The following TENM3 variants were observed in gnomAD, a reference collection of about 807,000 sequenced individuals.
TENM3 encodes the protein teneurin-3.
A neutral mutation model predicts 255.1 loss-of-function variants in TENM3; 63 were observed. The ratio of observed to expected loss-of-function variants is 0.25; its 90% confidence interval spans 0.20 to 0.30. The LOEUF (loss-of-function observed/expected upper bound fraction) is 0.30, where lower values mean the gene tolerates loss of function less well. Ranked by LOEUF, TENM3 falls within the 10% of genes least tolerant of loss-of-function variation. The pLI, the probability that TENM3 is intolerant of heterozygous loss-of-function variation, is 1.00. For synonymous variants in TENM3, 1,306 were observed against 1,322.3 expected (o/e 0.99, Z 0.27); for missense variants, 2,929 against 3,461.1 (o/e 0.85, Z 3.86).
the TENM3 span, among the ~76,000 whole-genome samples, chr4:181,454,785 G>T: frequency 1.4e-5 from 2 of 142,802 alleles, no homozygotes; most frequent in East Asian, 4.1e-4. Context: ...CTACTGTACA[G>T]GTTTGCAGCC....
the TENM3 span, among the ~76,000 whole-genome samples, chr4:182,058,638 C>G: frequency 2.0e-5 from 3 of 151,952 alleles, no homozygotes; most frequent in African/African-American, 7.3e-5. Context: ...CTTCTAACAC[C>G]TTTATATATC....
intron 3 of TENM3, chr4:182,350,033 G>A (rs374416321): frequency 1.3e-4 from 20 of 152,280 alleles, no homozygotes; most frequent in South Asian, 2.0e-4. Flanking sequence ...GTTTTTCCCA[G>A]AAAAAAAAAA....
chr4:181,921,734 C>G, the TENM3 span, among the ~76,000 whole-genome samples: 1 of 152,090 alleles, frequency 6.6e-6, no homozygotes, highest in Non-Finnish European at 1.5e-5. Flanking sequence ...ATTTCCTTCT[C>G]CTGACTAATT....
chr4:182,753,137 A>C (rs1330607549), intron 20 of TENM3, among the ~76,000 whole-genome samples: 2 of 151,994 alleles, frequency 1.3e-5, no homozygotes, highest in African/African-American at 4.8e-5. Context: ...TAGTAGAGAC[A>C]GGGTTTCACC....
rs374837010 is a variant in TENM3 at position 182,600,963 on chromosome 4, C to T, written c.551C>T (p.Pro184Leu). 8.7e-6 allele frequency: 14 copies of T among 1,609,454 alleles called. No homozygotes were observed. Among genetic ancestry groups the T allele is most frequent in the African/African-American group, 2.7e-5 (2 of 73,306 alleles). Residue 184 changes from proline to leucine, a missense_variant, in exon 4 of 28, where the codon CCC (proline) becomes CTC (leucine). This residue lies in a region of TENM3 where 283 missense variants were observed against 256.9 expected (regional missense o/e 1.10). Transcript: ENST00000511685. ...AATCAAGGCCAGTCTACCCTGCAGC[C>T]CTTGCCGCCTTCCCATAAGCAGCAC... ...ASNQGQSTLQPLPPSHKQHSA... is the reference protein window; with the variant it reads ...ASNQGQSTLQLLPPSHKQHSA...
intron 22 of TENM3, among the ~76,000 whole-genome samples, chr4:182,769,717 G>A (rs1230610900): frequency 1.3e-5 from 2 of 152,032 alleles, no homozygotes; most frequent in Admixed American, 1.3e-4. Flanking sequence ...TTGGGAGGCG[G>A]AGGTTGCAGT....
chr4:182,102,353 A>G, the TENM3 span, among the ~76,000 whole-genome samples: 1 of 152,202 alleles, frequency 6.6e-6, no homozygotes, highest in Non-Finnish European at 1.5e-5. Context: ...ATGTGTCCAC[A>G]TGAGATTAGA....
At chr4:182,297,272 G>A (rs1761554264) in intron 1 of TENM3, among the ~76,000 whole-genome samples, 1 of 152,128 alleles carries the variant, frequency 6.6e-6, no homozygotes, top group South Asian at 2.1e-4. Context: ...CACTATGCAG[G>A]TGACACTGTC....
At chr4:182,246,383 A>C (rs6552548) in intron 1 of TENM3, among the ~76,000 whole-genome samples, 61,779 of 146,932 alleles carry the variant, frequency 0.42, 15,423 homozygotes, top group African/African-American at 0.7. Context: ...ATTTTAGATA[A>C]GCAGTGGACA....
the TENM3 span, among the ~76,000 whole-genome samples, chr4:181,591,273 T>C: frequency 4.6e-5 from 7 of 152,260 alleles, no homozygotes; most frequent in African/African-American, 7.2e-5. Flanking sequence ...ACATGACTGA[T>C]GGGAATGTAA....
the TENM3 span, among the ~76,000 whole-genome samples, chr4:182,112,483 A>G: frequency 6.6e-6 from 1 of 152,362 alleles, no homozygotes; most frequent in Non-Finnish European, 1.5e-5. Flanking sequence ...ACACTAGTTT[A>G]TAAGATTTCA....
intron 6 of TENM3, among the ~76,000 whole-genome samples, chr4:182,660,881 AC>A: frequency 6.6e-6 from 1 of 152,214 alleles, no homozygotes; most frequent in Non-Finnish European, 1.5e-5. Context: ...GCGAGTTATT[AC>A]AGTGAATTAG....
At chr4:182,708,603 T>G (rs1303004297) in intron 12 of TENM3, among the ~76,000 whole-genome samples, 1 of 152,024 alleles carries the variant, frequency 6.6e-6, no homozygotes, top group Non-Finnish European at 1.5e-5. Context: ...ATCGAGACCA[T>G]CCTGGCTAAC....
the TENM3 span, among the ~76,000 whole-genome samples, chr4:181,557,132 A>T: frequency 6.6e-6 from 1 of 152,166 alleles, no homozygotes; most frequent in Non-Finnish European, 1.5e-5. Context: ...GGAAAGAAAA[A>T]GTGTCAGGTG....
At chr4:181,450,345 C>T in the TENM3 span, among the ~76,000 whole-genome samples, 5 of 152,092 alleles carry the variant, frequency 3.3e-5, no homozygotes, top group African/African-American at 1.2e-4. Flanking sequence ...GTAATAAGGT[C>T]AATATTACAT....
At chr4:181,764,462 G>A in the TENM3 span, among the ~76,000 whole-genome samples, 5 of 152,118 alleles carry the variant, frequency 3.3e-5, no homozygotes, top group Admixed American at 2.6e-4. Context: ...ACGAAAGACC[G>A]TTGATTTTAG....
Position 182,802,228 on chromosome 4 carries a change from T to C in TENM3, c.*1877T>C, listed in dbSNP as rs1767028500. ...GTAGAGCATACCGAAGTAATTAATC[T>C]TCTAATGAATGCTGATGATATTTTA... is the stretch of plus-strand genomic sequence containing the variant. On this transcript the variant is annotated 3_prime_UTR_variant, in exon 28 of 28. Transcript: ENST00000511685. 1 of 152,668 alleles carries C rather than the reference T, an allele frequency of 6.6e-6. No individual in the cohort carries two copies. Among genetic ancestry groups the C allele is most frequent in the Admixed American group, 6.5e-5 (1 of 15,284 alleles). 9.5% of individuals were successfully genotyped at this position (152,668 alleles called of 1,614,324 possible).
the TENM3 span, among the ~76,000 whole-genome samples, chr4:181,926,746 C>T: frequency 0.12 from 17,957 of 151,962 alleles, 1,267 homozygotes; most frequent in South Asian, 0.28. Context: ...GGAACAGCTC[C>T]GGTCTGCAGC....
chr4:182,640,056 C>T (rs950682789), intron 5 of TENM3, among the ~76,000 whole-genome samples: 23 of 152,178 alleles, frequency 1.5e-4, no homozygotes, highest in Admixed American at 1.3e-3. Context: ...TGCCACTGCA[C>T]TCTAGCCTGG....
Sources: gnomAD v4.1 joint callset for allele counts (sites outside exome capture counted in the v4.1 genomes callset) on GRCh38, gnomAD v4.1.1 for gene constraint, gnomAD v4.1.1 regional missense constraint, MANE v1.5 for transcripts, NCBI Gene and HGNC (gene_info 2026-07-23, HGNC 2026-07-21) for gene names.